Variants in STAB2 observed in about 807,000 individuals in gnomAD.
STAB2 encodes stabilin 2, also known as stabilin-2.
In STAB2, 288 loss-of-function variants were observed where a neutral mutation model predicts 338.1. The observed-to-expected ratio is 0.85, with a 90% CI of 0.77 to 0.94. The LOEUF (loss-of-function observed/expected upper bound fraction) is 0.94. Ranked by LOEUF, STAB2 falls within the 40% of genes least tolerant of loss-of-function variation. The pLI, the probability that STAB2 is intolerant of heterozygous loss-of-function variation, is 0.00. For synonymous variants in STAB2, 1,202 were observed against 1,193.3 expected (o/e 1.01, Z -0.15); for missense variants, 3,141 against 3,210.1 (o/e 0.98, Z 0.52).
chr12:103,641,626 G>A lies in STAB2; in HGVS notation c.1040+1370G>A, dbSNP rs866521019. ...GAACCAAACAAGCTGGTGTATGCAT[G>A]TTTTACCACCCTCTGAGAAAGTCTA... On this transcript the variant is annotated intron_variant, in intron 9 of 68. Coordinates refer to ENST00000388887, the MANE Select transcript of STAB2 (RefSeq NM_017564.10). Among the ~76,000 whole-genome samples, 56 of 152,266 alleles carry A rather than the reference G, an allele frequency of 3.7e-4. 1 individual carries two copies. The highest frequency in any genetic ancestry group is 1.9e-3 in the South Asian group (9 of 4,826).
chr12:103,755,079 A>G, intron 61 of STAB2: 1 of 557,436 alleles, frequency 1.8e-6, no homozygotes, highest in Non-Finnish European at 3.2e-6. Context: ...AGTATGAAAG[A>G]CCTGGGCACC....
At chr12:103,745,880 G>C (rs985958382) in intron 57 of STAB2, among the ~76,000 whole-genome samples, 1 of 152,196 alleles carries the variant, frequency 6.6e-6, no homozygotes, top group African/African-American at 2.4e-5. Flanking sequence ...GCCATAGCTC[G>C]ATCCTTACTA....
rs565818104 is a variant in STAB2 at position 103,761,338 on chromosome 12, G to A, written c.7287G>A (p.Gln2429=). Residue 2429 remains glutamine (Q), a synonymous_variant, in exon 66 of 69, where the codon CAG becomes CAA. Transcript: ENST00000388887. ...TTGTTGATGGAAGAGCCATTCTGCA[G>A]TGGGACATCTTTGCCTCCAATGGGA... ...TRFVDGRAIL[Q]WDIFASNGII... 5.6e-6 allele frequency: 9 copies of A among 1,614,102 alleles called. No individual in the cohort carries two copies. The South Asian group carries it at 9.9e-5, about 18-fold the overall frequency.
chr12:103,740,489 GA>G (rs1041493330), intron 54 of STAB2, 140 bp from the exon 55 acceptor site: 249 of 1,117,200 alleles, frequency 2.2e-4, no homozygotes, highest in East Asian at 2.7e-4. Context: ...TATCACCTTG[GA>G]AAAAAAAAGT....
chr12:103,609,869 C>T (rs1019424130), intron 3 of STAB2, among the ~76,000 whole-genome samples: 3 of 152,082 alleles, frequency 2.0e-5, no homozygotes, highest in Non-Finnish European at 4.4e-5. Flanking sequence ...CCCATCAATA[C>T]CTAATTTATT....
At chr12:103,715,977 C>T (rs528048521) in intron 43 of STAB2, 89 bp downstream of exon 43, 155 of 1,375,000 alleles carry the variant, frequency 1.1e-4, no homozygotes, top group Non-Finnish European at 1.4e-4. Flanking sequence ...AGGCTGAGAA[C>T]GGACCTCTAA....
chr12:103,720,417 G>A (rs149533258), intron 44 of STAB2, among the ~76,000 whole-genome samples: 70 of 152,302 alleles, frequency 4.6e-4, no homozygotes, highest in African/African-American at 1.6e-3. Flanking sequence ...TCATATTGCT[G>A]CTCTAATGGG....
At chr12:103,713,848 G>T in intron 42 of STAB2, 80 bp downstream of exon 42, 1 of 1,568,944 alleles carries the variant, frequency 6.4e-7, no homozygotes, top group South Asian at 1.2e-5. Flanking sequence ...TGTGTGCCCT[G>T]ATTATCAGGA....
At chr12:103,712,054 T>C (rs1879910808) in intron 40 of STAB2, among the ~76,000 whole-genome samples, 1 of 152,232 alleles carries the variant, frequency 6.6e-6, no homozygotes, top group African/African-American at 2.4e-5. Context: ...AGTGAGTAGA[T>C]GACACAAAAT....
intron 68 of STAB2, among the ~76,000 whole-genome samples, chr12:103,765,585 G>A (rs1884884262): frequency 6.6e-6 from 1 of 152,162 alleles, no homozygotes; most frequent in South Asian, 2.1e-4. Context: ...CCTTTTTTAG[G>A]CAGGGTCCTG....
At chr12:103,587,630 T>G in intron 1 of STAB2, 73 bp downstream of exon 1, 1 of 1,263,518 alleles carries the variant, frequency 7.9e-7, no homozygotes, top group South Asian at 1.3e-5. Flanking sequence ...CGTTTTCCTC[T>G]GTTGTTATGG....
chr12:103,741,094 A>G (rs977076999), intron 55 of STAB2, among the ~76,000 whole-genome samples: 1 of 152,074 alleles, frequency 6.6e-6, no homozygotes, highest in Non-Finnish European at 1.5e-5. Context: ...ATGTTTAAAG[A>G]CTTTGATGTG....
At chr12:103,735,464 A>G in intron 51 of STAB2, 27 bp from the exon 52 acceptor site, 1 of 1,546,192 alleles carries the variant, frequency 6.5e-7, no homozygotes, top group Non-Finnish European at 8.7e-7. Flanking sequence ...AATTTGGGGC[A>G]GTCACGTGGT....
chr12:103,631,570 A>G (rs1394255517), intron 5 of STAB2, 28 bp from the exon 6 acceptor site: 2 of 1,605,270 alleles, frequency 1.2e-6, no homozygotes, highest in East Asian at 2.2e-5. Context: ...ATGTCAGGTA[A>G]TAAAAATCCC....
Position 103,711,545 on chromosome 12 carries a change from C to T in STAB2, c.4334+29C>T, listed in dbSNP as rs746761960. The stretch of plus-strand genomic sequence containing the variant: ...GGTAGCCCTGGGCCACCTCTGGGGA[C>T]AGTGTAAAGGGGATTTTTTCCCAAT... On this transcript the variant is annotated intron_variant, in intron 40 of 68. Transcript: ENST00000388887. 2.5e-6 allele frequency: 4 copies of T among 1,613,294 alleles called. No homozygotes were observed. The East Asian group carries it at 8.9e-5, about 36-fold the overall frequency.
At chr12:103,734,894 G>A (rs961724517) in intron 51 of STAB2, among the ~76,000 whole-genome samples, 10 of 152,148 alleles carry the variant, frequency 6.6e-5, no homozygotes, top group African/African-American at 2.4e-4. Flanking sequence ...TGGATTTGTA[G>A]TGTATCCCTC....
intron 1 of STAB2, among the ~76,000 whole-genome samples, chr12:103,589,193 A>G (rs1158311622): frequency 6.6e-6 from 1 of 152,200 alleles, no homozygotes; most frequent in African/African-American, 2.4e-5. Flanking sequence ...CTTTTTATGC[A>G]GGCTTTATAT....
chr12:103,653,742 G>GGATA lies in STAB2; in HGVS notation c.1408-810_1408-809insAGAT, dbSNP rs1193595910. The stretch of plus-strand genomic sequence containing the variant: ...TGGATGGATGGATGGATGGATGGAT[G>GGATA]GATGAATGGATGGATGGATGGACGG... On this transcript the variant is annotated intron_variant, in intron 12 of 68. Coordinates refer to ENST00000388887, the MANE Select transcript of STAB2 (RefSeq NM_017564.10). Among the ~76,000 whole-genome samples the GGATA allele has an allele frequency of 2.5e-3, 372 of 148,264 alleles. 1 individual carries two copies. The highest frequency in any genetic ancestry group is 4.3e-3 in the Non-Finnish European group (288 of 67,394).
chr12:103,633,518 A>G (rs1477776372), intron 6 of STAB2, among the ~76,000 whole-genome samples: 3 of 152,262 alleles, frequency 2.0e-5, no homozygotes, highest in South Asian at 4.1e-4. Flanking sequence ...CCCTGTCTCT[A>G]CAAAAATACA....
Sources: allele counts gnomAD v4.1 joint callset (sites outside exome capture counted in the v4.1 genomes callset), GRCh38; gene constraint gnomAD v4.1.1; transcripts MANE v1.5; gene names NCBI Gene and HGNC (gene_info 2026-07-23, HGNC 2026-07-21).